The following DNAH7 variants were observed in gnomAD, a reference collection of about 807,000 sequenced individuals.
The protein encoded by DNAH7 is axonemal beta dynein heavy chain 7.
A neutral mutation model predicts 444.6 loss-of-function variants in DNAH7; 397 were observed. That is an observed-to-expected ratio of 0.89 (90% CI 0.82 to 0.97). The LOEUF (loss-of-function observed/expected upper bound fraction) is 0.97, where lower values mean the gene tolerates loss of function less well. Ranked by LOEUF, DNAH7 falls within the 50% of genes least tolerant of loss-of-function variation. The pLI, the probability that DNAH7 is intolerant of heterozygous loss-of-function variation, is 0.00. For missense variants in DNAH7, 4,902 were observed against 4,800.8 expected (o/e 1.02, Z -0.62); for synonymous variants, 1,636 against 1,624.4 (o/e 1.01, Z -0.17).
intron 48 of DNAH7, among the ~76,000 whole-genome samples, chr2:195,830,749 G>A (rs1349071282): frequency 1.3e-5 from 2 of 152,200 alleles, no homozygotes; most frequent in African/African-American, 4.8e-5. Context: ...ACAATGCCAT[G>A]TTGTTTCAGT....
At chr2:195,954,856 C>T (rs2125500145) in intron 19 of DNAH7, among the ~76,000 whole-genome samples, 1 of 152,302 alleles carries the variant, frequency 6.6e-6, no homozygotes, top group African/African-American at 2.4e-5. Flanking sequence ...ATATCCTTCA[C>T]CCACTTGTTG....
intron 2 of DNAH7, among the ~76,000 whole-genome samples, chr2:196,053,404 A>G (rs1697606351): frequency 6.6e-6 from 1 of 152,246 alleles, no homozygotes. Flanking sequence ...AAGCATAACT[A>G]GTAGAACTTT....
At chr2:195,781,961 G>T (rs1024608188) in intron 58 of DNAH7, among the ~76,000 whole-genome samples, 8 of 135,620 alleles carry the variant, frequency 5.9e-5, no homozygotes, top group African/African-American at 2.2e-4. Context: ...AATGAGGGGT[G>T]AGAGGTGGGT....
intron 57 of DNAH7, 121 bp downstream of exon 57, chr2:195,794,217 G>T: frequency 1.3e-6 from 1 of 796,594 alleles, no homozygotes; most frequent in Non-Finnish European, 2.1e-6. Context: ...AAAACCTACT[G>T]CACTGCGGTG....
chr2:195,869,550 A>C (rs1211604549), intron 40 of DNAH7, among the ~76,000 whole-genome samples: 1 of 152,184 alleles, frequency 6.6e-6, no homozygotes, highest in African/African-American at 2.4e-5. Context: ...AAAGACTGGA[A>C]CTACTAGGAT....
intron 48 of DNAH7, among the ~76,000 whole-genome samples, chr2:195,831,234 C>T (rs2124944277): frequency 6.6e-6 from 1 of 152,216 alleles, no homozygotes; most frequent in African/African-American, 2.4e-5. Context: ...ACAGATGTAC[C>T]TTTATTTTCT....
At chr2:195,755,064 C>T (rs1574378042) in intron 62 of DNAH7, among the ~76,000 whole-genome samples, 2 of 152,216 alleles carry the variant, frequency 1.3e-5, no homozygotes, top group East Asian at 3.8e-4. Flanking sequence ...TTCAGAAACG[C>T]TCCCTACAAT....
chr2:195,744,769 C>A (rs1693282808), intron 63 of DNAH7, among the ~76,000 whole-genome samples: 1 of 152,206 alleles, frequency 6.6e-6, no homozygotes, highest in African/African-American at 2.4e-5. Context: ...CTCTAGCAAA[C>A]TCCAACAGAC....
intron 58 of DNAH7, among the ~76,000 whole-genome samples, chr2:195,780,705 C>T (rs576619719): frequency 2.2e-3 from 329 of 152,032 alleles, no homozygotes; most frequent in African/African-American, 7.3e-3. Flanking sequence ...GAGCCGAGAT[C>T]GTGCCACTGC....
intron 41 of DNAH7, among the ~76,000 whole-genome samples, chr2:195,862,393 A>ATC (rs1700072735): frequency 6.6e-6 from 1 of 152,146 alleles, no homozygotes. Flanking sequence ...CTCCACTATC[A>ATC]TCTGCCTGGA....
intron 55 of DNAH7, among the ~76,000 whole-genome samples, chr2:195,798,908 GC>G (rs959568381): frequency 4.6e-5 from 7 of 152,090 alleles, no homozygotes; most frequent in Admixed American, 3.3e-4. Flanking sequence ...GTCAATGAAG[GC>G]CCCCCGTTAG....
At chr2:195,931,519 T>A (rs1019332368) in intron 21 of DNAH7, among the ~76,000 whole-genome samples, 1 of 151,528 alleles carries the variant, frequency 6.6e-6, no homozygotes, top group African/African-American at 2.4e-5. Flanking sequence ...CTGAATGGTA[T>A]TGCCTAGGTT....
intron 49 of DNAH7, among the ~76,000 whole-genome samples, chr2:195,818,257 C>G (rs1697311614): frequency 6.6e-6 from 1 of 152,076 alleles, no homozygotes. Flanking sequence ...CTAGTGGTGT[C>G]AAAAGTAAAG....
At chr2:196,067,273 C>T (rs145676716) in intron 1 of DNAH7, among the ~76,000 whole-genome samples, 78 of 152,170 alleles carry the variant, frequency 5.1e-4, no homozygotes, top group African/African-American at 1.8e-3. Context: ...ACTCTAACAA[C>T]GTAGGATATG....
chr2:195,775,720 T>C (rs1157001145), intron 60 of DNAH7, 126 bp downstream of exon 60: 4 of 1,062,644 alleles, frequency 3.8e-6, no homozygotes, highest in Non-Finnish European at 3.9e-6. Flanking sequence ...TGTATTTTTG[T>C]CTTTTCCTTT....
At chr2:195,877,993 G>A (rs1197542040) in intron 36 of DNAH7, among the ~76,000 whole-genome samples, 2 of 152,138 alleles carry the variant, frequency 1.3e-5, no homozygotes, top group Non-Finnish European at 2.9e-5. Flanking sequence ...TTTTATGATT[G>A]TATAGTTATA....
intron 21 of DNAH7, among the ~76,000 whole-genome samples, chr2:195,933,698 A>C (rs1336729826): frequency 7.1e-6 from 1 of 141,460 alleles, no homozygotes; most frequent in African/African-American, 2.7e-5. Flanking sequence ...GAATTGAACA[A>C]TGAGAACACA....
chr2:195,818,891 A>G (rs886081511), intron 49 of DNAH7, among the ~76,000 whole-genome samples: 2 of 152,054 alleles, frequency 1.3e-5, no homozygotes, highest in African/African-American at 4.8e-5. Flanking sequence ...AATAATAAAG[A>G]TGGCTCTTTA....
chr2:195,768,223 GATAT>G (rs1046679869), intron 61 of DNAH7, among the ~76,000 whole-genome samples: 1 of 147,390 alleles, frequency 6.8e-6, no homozygotes, highest in Non-Finnish European at 1.5e-5. Context: ...ATATCTTTAA[GATAT>G]ATATAGAGAA....
Sources: allele counts gnomAD v4.1 joint callset (sites outside exome capture counted in the v4.1 genomes callset), GRCh38; gene constraint gnomAD v4.1.1; transcripts MANE v1.5; gene names NCBI Gene and HGNC (gene_info 2026-07-23, HGNC 2026-07-21).